Variants in ENPEP observed in about 807,000 individuals in gnomAD.
ENPEP encodes glutamyl aminopeptidase.
A neutral mutation model predicts 114.5 loss-of-function variants in ENPEP; 103 were observed. The ratio of observed to expected loss-of-function variants is 0.90; its 90% CI spans 0.77 to 1.06. The LOEUF is 1.06. Among genes scored for constraint, ENPEP ranks in the 50% least tolerant of loss-of-function variants. ENPEP has a pLI of 0.00. For synonymous variants in ENPEP, 420 were observed against 422.0 expected, an observed-to-expected ratio of 1.00 and a Z score of 0.06; for missense variants, 1,196 against 1,161.3, an observed-to-expected ratio of 1.03 and a Z score of -0.43.
chr4:110,495,927 A>G (rs1035312279), intron 3 of ENPEP, among the ~76,000 whole-genome samples: 1 of 152,112 alleles, frequency 6.6e-6, no homozygotes, highest in African/African-American at 2.4e-5. Context: ...TCCTGAACAG[A>G]GGGGGAAGCT....
chr4:110,492,026 G>A (rs745543288), intron 3 of ENPEP, among the ~76,000 whole-genome samples: 3 of 151,818 alleles, frequency 2.0e-5, no homozygotes, highest in African/African-American at 4.8e-5. Context: ...TGGCCCAATC[G>A]TTTTCTTTTG....
chr4:110,553,833 G>A (rs1159038490), intron 18 of ENPEP, among the ~76,000 whole-genome samples: 3 of 151,938 alleles, frequency 2.0e-5, no homozygotes, highest in Admixed American at 6.6e-5. Flanking sequence ...TTGGACCTGG[G>A]TTCAAATTAG....
intron 18 of ENPEP, 99 bp from the exon 19 acceptor site, chr4:110,559,547 CT>C: frequency 2.3e-6 from 2 of 854,822 alleles, no homozygotes; most frequent in Non-Finnish European, 3.7e-6. Context: ...TTGAAAGTTA[CT>C]TTTAAAAACT....
intron 18 of ENPEP, among the ~76,000 whole-genome samples, chr4:110,559,353 C>G (rs1438484579): frequency 6.6e-6 from 1 of 151,490 alleles, no homozygotes; most frequent in Non-Finnish European, 1.5e-5. Context: ...GAAACAGTCT[C>G]TAGCAGGGCG....
In ENPEP at chr4:110,520,335, G is replaced by A. The variant is rs1725941193; in HGVS notation, c.1696G>A (p.Ala566Thr). ...GAAACGCTTTTTGTTGGACCCAAGA[G>A]CTAACCCTTCTCAGCCCCCTTCAGA... ...TQKRFLLDPR[A>T]NPSQPPSDLG... Residue 566 changes from alanine (A) to threonine (T), a missense_variant, in exon 10 of 20, where the codon GCT becomes ACT. Transcript: ENST00000265162. The A allele has an allele frequency of 4.3e-6, 7 of 1,613,898 alleles. No individual in the cohort carries two copies. The Admixed American group carries it at 1.2e-4, about 27-fold the overall frequency.
At position 110,562,745 on chromosome 4, in the gene ENPEP, C is replaced by T. The variant is rs894507530; in HGVS notation, c.*1187C>T. ...TATGGCACTTGATACCTCCTAGATCCATAATGTAAGTCCAATAGGCAGAAA... is the reference window on the plus strand; with the variant it reads ...TATGGCACTTGATACCTCCTAGATCTATAATGTAAGTCCAATAGGCAGAAA... On this transcript the variant is annotated 3_prime_UTR_variant, in exon 20 of 20. Transcript: ENST00000265162. 1 of 152,068 alleles carries T rather than the reference C, an allele frequency of 6.6e-6. No individual in the cohort carries two copies. Among genetic ancestry groups the T allele is most frequent in the Admixed American group, 6.6e-5 (1 of 15,264 alleles). 9.4% of individuals were successfully genotyped at this position (152,068 alleles called of 1,614,324 possible). A position where few individuals can be genotyped will look rare whatever the true frequency, so the allele number is the denominator to read the frequency against.
At chr4:110,486,770 T>G (rs1724518342) in intron 1 of ENPEP, among the ~76,000 whole-genome samples, 1 of 152,234 alleles carries the variant, frequency 6.6e-6, no homozygotes, top group Non-Finnish European at 1.5e-5. Context: ...CCTTGCCCGC[T>G]GCCTAGACAG....
At chr4:110,515,125 T>C (rs1220363126) in intron 7 of ENPEP, among the ~76,000 whole-genome samples, 1 of 152,152 alleles carries the variant, frequency 6.6e-6, no homozygotes, top group Non-Finnish European at 1.5e-5. Context: ...TATTTGAATC[T>C]GAAGTCCCTG....
chr4:110,522,874 G>T (rs1445327926), intron 10 of ENPEP, among the ~76,000 whole-genome samples: 1 of 152,082 alleles, frequency 6.6e-6, no homozygotes, highest in Non-Finnish European at 1.5e-5. Flanking sequence ...GTTACTTAAG[G>T]CTGCACTTTA....
At chr4:110,501,103 T>C (rs1342020951) in intron 3 of ENPEP, among the ~76,000 whole-genome samples, 1 of 152,156 alleles carries the variant, frequency 6.6e-6, no homozygotes, top group Middle Eastern at 3.2e-3. Context: ...GAGTCTTTAA[T>C]ATAAAAATGT....
At chr4:110,506,107 T>C (rs1725359634) in intron 3 of ENPEP, 1 of 152,160 alleles carries the variant, frequency 6.6e-6, no homozygotes, top group African/African-American at 2.4e-5. Flanking sequence ...AATAACTAGA[T>C]AGAAAAGCAC....
At chr4:110,550,235 T>C (rs1361645134) in intron 17 of ENPEP, among the ~76,000 whole-genome samples, 2 of 152,082 alleles carry the variant, frequency 1.3e-5, no homozygotes, top group African/African-American at 4.8e-5. Flanking sequence ...ACATGTGTAA[T>C]GGAGGTAGGA....
chr4:110,484,253 A>T (rs921010827), intron 1 of ENPEP, among the ~76,000 whole-genome samples: 5 of 152,096 alleles, frequency 3.3e-5, no homozygotes, highest in Admixed American at 2.6e-4. Flanking sequence ...CGCTGTGAGG[A>T]GGCTATACAT....
chr4:110,528,784 A>G (rs1306238932), intron 10 of ENPEP, among the ~76,000 whole-genome samples: 1 of 152,174 alleles, frequency 6.6e-6, no homozygotes, highest in Non-Finnish European at 1.5e-5. Context: ...CTTAGAGAAA[A>G]TTAGAGTGGC....
chr4:110,535,567 A>G (rs1198004524), intron 11 of ENPEP, among the ~76,000 whole-genome samples: 4 of 152,224 alleles, frequency 2.6e-5, no homozygotes, highest in Admixed American at 2.6e-4. Context: ...TATCTAAACC[A>G]AACATACAAG....
intron 13 of ENPEP, among the ~76,000 whole-genome samples, chr4:110,546,136 A>G (rs553828532): frequency 1.4e-3 from 217 of 152,094 alleles, no homozygotes; most frequent in African/African-American, 4.9e-3. Context: ...AAAATGTCTC[A>G]CCTTAGTTTC....
At chr4:110,560,774 G>A (rs1466940339) in intron 19 of ENPEP, among the ~76,000 whole-genome samples, 1 of 152,174 alleles carries the variant, frequency 6.6e-6, no homozygotes, top group Non-Finnish European at 1.5e-5. Context: ...TCCAAAGGAG[G>A]AGAAATGTCT....
chr4:110,497,685 T>G (rs548432178), intron 3 of ENPEP, among the ~76,000 whole-genome samples: 158 of 152,298 alleles, frequency 1.0e-3, no homozygotes, highest in African/African-American at 3.5e-3. Context: ...GAACATGTTT[T>G]GAACCAGCAT....
At chr4:110,540,686 T>C (rs906009285) in intron 11 of ENPEP, among the ~76,000 whole-genome samples, 1 of 152,180 alleles carries the variant, frequency 6.6e-6, no homozygotes, top group Non-Finnish European at 1.5e-5. Flanking sequence ...CACTAAAATA[T>C]GGCAGTATTT....
Sources: gnomAD v4.1 joint callset for allele counts (sites outside exome capture counted in the v4.1 genomes callset) on GRCh38, gnomAD v4.1.1 for gene constraint, MANE v1.5 for transcripts, NCBI Gene and HGNC (gene_info 2026-07-23, HGNC 2026-07-21) for gene names.